KCND3: variants seen among roughly 807,000 people sequenced by gnomAD.
KCND3 encodes A-type voltage-gated potassium channel KCND3.
KCND3 carries 9 observed loss-of-function variants against 51.1 expected under a neutral mutation model. The observed-to-expected ratio is 0.18, with a 90% CI of 0.11 to 0.31. KCND3 has a LOEUF of 0.31. Among genes scored for constraint, KCND3 ranks in the 10% least tolerant of loss-of-function variants. The pLI, the probability that KCND3 is intolerant of heterozygous loss-of-function variation, is 1.00. For missense variants in KCND3, 526 were observed against 903.8 expected (o/e 0.58, Z 5.36); for synonymous variants, 349 against 368.0 (o/e 0.95, Z 0.59).
intron 1 of KCND3, among the ~76,000 whole-genome samples, chr1:111,984,746 C>G (rs3820673): frequency 0.27 from 40,422 of 152,034 alleles, 6,062 homozygotes; most frequent in Non-Finnish European, 0.33. Context: ...AAGACCAAGA[C>G]CTGTTCATGG....
At position 111,982,598 on chromosome 1, in the gene KCND3, G is replaced by T; in HGVS notation, c.129C>A (p.Val43=). The change falls in exon 2 of 8, where the codon GTC becomes GTA. Residue 43 remains valine (V), a synonymous_variant. Transcript: ENST00000302127. This position sits in a 1 kb window ranked among gnomAD's most constrained non-coding sequence, Gnocchi z 8.5. ...GGAACCTCCGCCCACTCACGTTGAGGACAATCAGCTCATCCTGCCGCTTGT... is the reference window on the plus strand; with the variant it reads ...GGAACCTCCGCCCACTCACGTTGAGTACAATCAGCTCATCCTGCCGCTTGT... ...DKNKRQDELI[V]LNVSGRRFQT... 1.2e-6 allele frequency: 2 copies of T among 1,613,812 alleles called. No homozygotes were observed. Among genetic ancestry groups the T allele is most frequent in the Non-Finnish European group, 1.7e-6 (2 of 1,179,772 alleles).
At chr1:111,861,433 C>G (rs182883960) in intron 2 of KCND3, among the ~76,000 whole-genome samples, 5 of 152,190 alleles carry the variant, frequency 3.3e-5, no homozygotes, top group African/African-American at 1.2e-4. Flanking sequence ...TTCCCTCCCC[C>G]AGCCCAGTCT....
At chr1:111,942,871 G>C (rs1238938748) in intron 2 of KCND3, among the ~76,000 whole-genome samples, 1 of 152,218 alleles carries the variant, frequency 6.6e-6, no homozygotes, top group Non-Finnish European at 1.5e-5. Flanking sequence ...CAGCTAGGAA[G>C]TGCAGAACTT....
intron 3 of KCND3, among the ~76,000 whole-genome samples, chr1:111,784,899 A>G (rs1007056122): frequency 6.6e-6 from 1 of 152,086 alleles, no homozygotes; most frequent in African/African-American, 2.4e-5. Context: ...TTGCTCCTAG[A>G]TTTTAATCAC....
chr1:111,878,115 C>T (rs1329180910), intron 2 of KCND3, among the ~76,000 whole-genome samples: 1 of 152,166 alleles, frequency 6.6e-6, no homozygotes, highest in East Asian at 1.9e-4. Flanking sequence ...ACAAAAGCCC[C>T]CATCAGAGCC....
intron 2 of KCND3, among the ~76,000 whole-genome samples, chr1:111,960,108 A>G (rs1215135249): frequency 4.6e-5 from 7 of 151,842 alleles, no homozygotes; most frequent in African/African-American, 1.7e-4. Flanking sequence ...CTCCCCAGCC[A>G]TTCAGAACTG....
chr1:111,976,349 A>G (rs1452849859), intron 2 of KCND3, among the ~76,000 whole-genome samples: 1 of 152,166 alleles, frequency 6.6e-6, no homozygotes, highest in East Asian at 1.9e-4. Flanking sequence ...GAACCACAGA[A>G]TGCCCTGCCT....
intron 2 of KCND3, among the ~76,000 whole-genome samples, chr1:111,850,047 G>C (rs1405776139): frequency 6.6e-6 from 1 of 152,132 alleles, no homozygotes; most frequent in Non-Finnish European, 1.5e-5. Flanking sequence ...ACCCACCAGA[G>C]AGCCCATAAC....
chr1:111,851,825 C>A (rs1306264558), intron 2 of KCND3, among the ~76,000 whole-genome samples: 1 of 152,218 alleles, frequency 6.6e-6, no homozygotes, highest in Admixed American at 6.5e-5. Flanking sequence ...TGGCTCACAG[C>A]TCAACAGGGA....
In KCND3 at chr1:111,796,578, G is replaced by A. The variant is rs143917394; in HGVS notation, c.1107-9472C>T. On this transcript the variant is annotated intron_variant, in intron 2 of 7. Transcript: ENST00000302127. ...CACTTTTAAGTGGGAACTAAATGAT[G>A]AGAACACATGGACACATAGAGGGGA... Among the ~76,000 whole-genome samples the A allele has an allele frequency of 2.0e-5, 3 of 152,284 alleles. No individual in the cohort carries two copies. In the East Asian group the frequency reaches 5.8e-4, roughly 29 times the overall value.
At chr1:111,786,374 A>T (rs1475060931) in intron 3 of KCND3, among the ~76,000 whole-genome samples, 1 of 152,144 alleles carries the variant, frequency 6.6e-6, no homozygotes, top group African/African-American at 2.4e-5. Context: ...ACATAATCTA[A>T]ATCTTTCCCC....
chr1:111,903,101 G>C (rs1471228146), intron 2 of KCND3, among the ~76,000 whole-genome samples: 1 of 152,160 alleles, frequency 6.6e-6, no homozygotes, highest in Non-Finnish European at 1.5e-5. Context: ...GGGCTGTCCA[G>C]AGAAAGAGGT....
Position 111,948,603 on chromosome 1 carries a change from A to C in KCND3, c.1106+33018T>G, listed in dbSNP as rs999401335. On this transcript the variant is annotated intron_variant, in intron 2 of 7. Transcript: ENST00000302127. ...TCCCATCTGCACAGGTCACTTCCCCAGAGAGGCTTAAAAACCCTCGGACCA... is the reference window on the plus strand; with the variant it reads ...TCCCATCTGCACAGGTCACTTCCCCCGAGAGGCTTAAAAACCCTCGGACCA... 2.0e-5 allele frequency among the ~76,000 whole-genome samples: 3 copies of C among 152,080 alleles called. No homozygotes were observed. The South Asian group carries it at 6.2e-4, about 32-fold the overall frequency.
intron 2 of KCND3, among the ~76,000 whole-genome samples, chr1:111,884,646 TC>T (rs34654465): frequency 6.6e-6 from 1 of 152,188 alleles, no homozygotes; most frequent in Non-Finnish European, 1.5e-5. Context: ...CTGGGGACTC[TC>T]CCCATGAGAC....
intron 2 of KCND3, among the ~76,000 whole-genome samples, chr1:111,836,025 G>C (rs545327350): frequency 2.2e-4 from 33 of 152,154 alleles, no homozygotes; most frequent in Non-Finnish European, 4.7e-4. Context: ...TGATTACCTT[G>C]CTGTTGCTTT....
At chr1:111,987,497 C>T (rs1438612247) in intron 1 of KCND3, among the ~76,000 whole-genome samples, 1 of 152,210 alleles carries the variant, frequency 6.6e-6, no homozygotes, top group African/African-American at 2.4e-5. Context: ...TTGTTACTTT[C>T]TCTGTGTGTG....
At chr1:111,954,534 T>G (rs1673227152) in intron 2 of KCND3, among the ~76,000 whole-genome samples, 1 of 152,312 alleles carries the variant, frequency 6.6e-6, no homozygotes, top group Non-Finnish European at 1.5e-5. Context: ...GCAGCAACAG[T>G]GGGAGCTGAA....
At chr1:111,964,561 T>C (rs1019921214) in intron 2 of KCND3, among the ~76,000 whole-genome samples, 11 of 152,058 alleles carry the variant, frequency 7.2e-5, no homozygotes, top group East Asian at 3.9e-4. Context: ...GTGACCACAA[T>C]GGGAAGCACA....
chr1:111,953,332 A>T (rs1571896254), intron 2 of KCND3, among the ~76,000 whole-genome samples: 1 of 152,198 alleles, frequency 6.6e-6, no homozygotes, highest in Admixed American at 6.5e-5. Flanking sequence ...TTCTCCTTTC[A>T]GGTCAAGCCA....
Sources: gnomAD v4.1 joint callset for allele counts (sites outside exome capture counted in the v4.1 genomes callset) on GRCh38, gnomAD v4.1.1 for gene constraint, Gnocchi (gnomAD v3.1) non-coding constraint, MANE v1.5 for transcripts, NCBI Gene and HGNC (gene_info 2026-07-23, HGNC 2026-07-21) for gene names.